Variants in TRDN observed in about 807,000 individuals in gnomAD.
The protein encoded by TRDN is triadin.
In TRDN, 161 loss-of-function variants were observed where a neutral mutation model predicts 149.7. The ratio of observed to expected loss-of-function variants is 1.08; its 90% CI spans 0.95 to 1.23. TRDN has a LOEUF of 1.23. TRDN is among the 50% of genes most tolerant of loss of function. The pLI is 0.00. For missense variants in TRDN, 896 were observed against 823.5 expected (o/e 1.09, Z -1.08); for synonymous variants, 294 against 250.5 (o/e 1.17, Z -1.64).
At chr6:123,425,666 AAGG>A (rs1774090573) in intron 12 of TRDN, among the ~76,000 whole-genome samples, 1 of 152,082 alleles carries the variant, frequency 6.6e-6, no homozygotes, top group Non-Finnish European at 1.5e-5. Context: ...TGCTCTTGAG[AAGG>A]AGTTCACCTT....
At chr6:123,294,907 G>A (rs1408272784) in intron 24 of TRDN, among the ~76,000 whole-genome samples, 1 of 152,102 alleles carries the variant, frequency 6.6e-6, no homozygotes, top group Admixed American at 6.6e-5. Flanking sequence ...TACTCCTCCA[G>A]TGCTAGGCAG....
At chr6:123,432,854 G>A (rs1187393200) in intron 12 of TRDN, among the ~76,000 whole-genome samples, 1 of 151,808 alleles carries the variant, frequency 6.6e-6, no homozygotes, top group Non-Finnish European at 1.5e-5. Flanking sequence ...TAATATCTCT[G>A]GCAATTTCTT....
intron 14 of TRDN, among the ~76,000 whole-genome samples, chr6:123,382,389 T>G (rs1781755295): frequency 6.6e-6 from 1 of 151,456 alleles, no homozygotes; most frequent in Middle Eastern, 3.4e-3. Flanking sequence ...ATAAAGAATA[T>G]AAAACATTGA....
intron 19 of TRDN, among the ~76,000 whole-genome samples, chr6:123,374,579 T>TA (rs1372408401): frequency 1.3e-5 from 2 of 152,004 alleles, no homozygotes; most frequent in African/African-American, 4.8e-5. Context: ...TAACTTTTTT[T>TA]AAAAAAAGAC....
At chr6:123,504,878 C>G (rs1778848303) in intron 7 of TRDN, among the ~76,000 whole-genome samples, 1 of 152,146 alleles carries the variant, frequency 6.6e-6, no homozygotes, top group Admixed American at 6.6e-5. Context: ...ACCACAGCAA[C>G]TCTACTGCAA....
intron 2 of TRDN, among the ~76,000 whole-genome samples, chr6:123,561,867 C>A (rs1440524032): frequency 1.3e-5 from 2 of 151,980 alleles, no homozygotes; most frequent in Non-Finnish European, 2.9e-5. Flanking sequence ...CATACCACCC[C>A]CCAAAAAATT....
intron 9 of TRDN, among the ~76,000 whole-genome samples, chr6:123,476,017 C>G (rs1777453529): frequency 7.6e-6 from 1 of 131,466 alleles, no homozygotes; most frequent in African/African-American, 2.9e-5. Flanking sequence ...GATGCCCTCT[C>G]TCACCACTCC....
intron 2 of TRDN, among the ~76,000 whole-genome samples, chr6:123,565,478 G>A (rs1208803084): frequency 6.6e-6 from 1 of 152,196 alleles, no homozygotes; most frequent in Non-Finnish European, 1.5e-5. Context: ...TCAGCTGTTA[G>A]ATGATATTGT....
chr6:123,441,271 C>T (rs761023876), intron 10 of TRDN, among the ~76,000 whole-genome samples: 4 of 152,200 alleles, frequency 2.6e-5, no homozygotes, highest in Non-Finnish European at 5.9e-5. Flanking sequence ...ACTTTTTCTT[C>T]CTCAACAGCC....
Position 123,382,112 on chromosome 6 carries a change from C to A in TRDN, c.1165+6G>T, listed in dbSNP as rs898940995. ...TAAGGCAGAAAAAAAGAAATATGTC[C>A]AGTACCTTCTGCAGGTTTTTTTGTT... On this transcript the variant is annotated splice_donor_region_variant and intron_variant, in intron 15 of 40. Coordinates refer to ENST00000334268, the MANE Select transcript of TRDN (RefSeq NM_006073.4). 1.3e-6 allele frequency: 2 copies of A among 1,492,638 alleles called. No homozygotes were observed. Among genetic ancestry groups the A allele is most frequent in the Non-Finnish European group, 1.8e-6 (2 of 1,120,772 alleles). The allele number at this position is 1,492,638 out of a possible 1,614,324, so 92.5% of individuals were successfully genotyped here.
chr6:123,622,050 A>T (rs1785410482), intron 1 of TRDN, among the ~76,000 whole-genome samples: 2 of 152,054 alleles, frequency 1.3e-5, no homozygotes, highest in South Asian at 4.1e-4. Flanking sequence ...GTTATAGTGC[A>T]TATGCCTGGC....
intron 22 of TRDN, among the ~76,000 whole-genome samples, chr6:123,336,700 A>G (rs1779884505): frequency 6.6e-6 from 1 of 151,860 alleles, no homozygotes; most frequent in African/African-American, 2.4e-5. Flanking sequence ...TTAGATGCAG[A>G]ATAAATAATT....
At chr6:123,357,044 G>A (rs1029844266) in intron 20 of TRDN, among the ~76,000 whole-genome samples, 1 of 150,980 alleles carries the variant, frequency 6.6e-6, no homozygotes, top group Non-Finnish European at 1.5e-5. Flanking sequence ...AAAAAATATT[G>A]ACTTCTTAGC....
intron 40 of TRDN, among the ~76,000 whole-genome samples, chr6:123,219,599 G>GA (rs1451189396): frequency 6.6e-6 from 1 of 151,740 alleles, no homozygotes; most frequent in Non-Finnish European, 1.5e-5. Flanking sequence ...CAAAGGATAG[G>GA]AAAAAAGGAA....
intron 1 of TRDN, among the ~76,000 whole-genome samples, chr6:123,585,396 G>A (rs1193337305): frequency 1.3e-5 from 2 of 152,072 alleles, no homozygotes; most frequent in African/African-American, 2.4e-5. Flanking sequence ...CAGTTATGGA[G>A]GCAAGGGAAA....
intron 12 of TRDN, among the ~76,000 whole-genome samples, chr6:123,435,680 T>C (rs1164180349): frequency 6.6e-6 from 1 of 152,030 alleles, no homozygotes; most frequent in Non-Finnish European, 1.5e-5. Context: ...TAATCAAAAG[T>C]AAAAATGACA....
chr6:123,389,510 G>C (rs577419633), intron 13 of TRDN: 13 of 152,186 alleles, frequency 8.5e-5, no homozygotes, highest in African/African-American at 2.9e-4. Context: ...TCCTGACCTT[G>C]TTATAAAAGG....
intron 1 of TRDN, among the ~76,000 whole-genome samples, chr6:123,596,866 T>C (rs1440219145): frequency 6.6e-6 from 1 of 152,130 alleles, no homozygotes; most frequent in Non-Finnish European, 1.5e-5. Flanking sequence ...TTTCTGCTTA[T>C]TGAGAATGTA....
intron 12 of TRDN, among the ~76,000 whole-genome samples, chr6:123,416,255 G>A (rs760651068): frequency 3.3e-5 from 5 of 152,066 alleles, no homozygotes; most frequent in Non-Finnish European, 7.4e-5. Flanking sequence ...GAAAGCATCA[G>A]ACCTCACTCA....
Sources: allele counts gnomAD v4.1 joint callset (sites outside exome capture counted in the v4.1 genomes callset), GRCh38; gene constraint gnomAD v4.1.1; transcripts MANE v1.5; gene names NCBI Gene and HGNC (gene_info 2026-07-23, HGNC 2026-07-21).